Variants in GRAMD2B observed in about 807,000 individuals in gnomAD.
GRAMD2B encodes GRAM domain containing 2B, also known as GRAM domain-containing protein 2B.
In GRAMD2B, 41 loss-of-function variants were observed where a neutral mutation model predicts 59.2. That is an observed-to-expected ratio of 0.69 (90% CI 0.54 to 0.90). The LOEUF (loss-of-function observed/expected upper bound fraction) is 0.90. GRAMD2B is among the 40% of genes least tolerant of loss of function. GRAMD2B has a pLI of 0.00. For missense variants in GRAMD2B, 424 were observed against 500.5 expected, an observed-to-expected ratio of 0.85 and a Z score of 1.46; for synonymous variants, 161 against 182.7, an observed-to-expected ratio of 0.88 and a Z score of 0.96.
At chr5:126,451,974 C>T (rs987193419) in intron 1 of GRAMD2B, among the ~76,000 whole-genome samples, 3 of 152,214 alleles carry the variant, frequency 2.0e-5, no homozygotes, top group South Asian at 2.1e-4. Flanking sequence ...CCTTCCACCA[C>T]GATTGTAAGC....
intron 1 of GRAMD2B, among the ~76,000 whole-genome samples, chr5:126,383,987 G>C (rs1755886638): frequency 6.6e-6 from 1 of 152,084 alleles, no homozygotes; most frequent in Non-Finnish European, 1.5e-5. Flanking sequence ...GACTGTTATA[G>C]GACAACGAGG....
chr5:126,385,567 A>G (rs1756049707), intron 1 of GRAMD2B, among the ~76,000 whole-genome samples: 1 of 152,228 alleles, frequency 6.6e-6, no homozygotes, highest in Admixed American at 6.5e-5. Context: ...ACACTTTCAT[A>G]TCTTCATGCC....
At chr5:126,413,364 A>C (rs1175437268) in intron 1 of GRAMD2B, among the ~76,000 whole-genome samples, 1 of 152,136 alleles carries the variant, frequency 6.6e-6, no homozygotes, top group Non-Finnish European at 1.5e-5. Context: ...TTGTTTATCC[A>C]AAAGTAATTC....
chr5:126,360,283 C>T (rs1385296982), exon 1 of GRAMD2B: 2 of 1,547,650 alleles, frequency 1.3e-6, no homozygotes, highest in Admixed American at 3.9e-5. Flanking sequence ...TACAAAGTTC[C>T]TTCCCGACAT....
chr5:126,420,394 CG>C (rs1053954096), upstream of GRAMD2B, among the ~76,000 whole-genome samples: 1 of 152,108 alleles, frequency 6.6e-6, no homozygotes, highest in Non-Finnish European at 1.5e-5. Flanking sequence ...GCCTTTTAAA[CG>C]TAAGCAAACA....
Position 126,481,203 on chromosome 5 carries a change from A to AAAAGAAAGAAAG in GRAMD2B, c.735+532_735+543dup, listed in dbSNP as rs199869481. ...TCAGAATTAACTGTAAAAAAAAAAAAAAAGAAAGAAAGAAAGAAAGAAAGA... is the reference window on the plus strand; with the variant it reads ...TCAGAATTAACTGTAAAAAAAAAAAAAAAGAAAGAAAGAAAGAAAGAAAGAAAGAAAGAAAGA... On this transcript the variant is annotated intron_variant, in intron 8 of 13. Coordinates refer to ENST00000285689, the MANE Select transcript of GRAMD2B (RefSeq NM_023927.4). 5.3e-3 allele frequency among the ~76,000 whole-genome samples: 424 copies of AAAAGAAAGAAAG among 80,062 alleles called. 6 individuals are homozygous for AAAAGAAAGAAAG. Among genetic ancestry groups the AAAAGAAAGAAAG allele is most frequent in the African/African-American group, 0.024 (393 of 16,300 alleles). 52.5% of individuals were successfully genotyped at this position (80,062 alleles called of 152,430 possible).
chr5:126,408,916 A>G (rs1286451160), intron 1 of GRAMD2B, among the ~76,000 whole-genome samples: 1 of 134,068 alleles, frequency 7.5e-6, no homozygotes, highest in Non-Finnish European at 1.6e-5. Context: ...TTCAATTCCC[A>G]CCTATGAGTG....
intron 1 of GRAMD2B, among the ~76,000 whole-genome samples, chr5:126,447,635 GCCTGGGCGACA>G (rs1764537360): frequency 6.7e-6 from 1 of 148,500 alleles, no homozygotes; most frequent in African/African-American, 2.5e-5. Context: ...CTGCACTCCA[GCCTGGGCGACA>G]GAGCAAGACT....
At chr5:126,448,102 C>T (rs1293548039) in intron 1 of GRAMD2B, among the ~76,000 whole-genome samples, 3 of 151,940 alleles carry the variant, frequency 2.0e-5, no homozygotes, top group Non-Finnish European at 2.9e-5. Context: ...GTAACCCACC[C>T]GCCTCAGCCT....
chr5:126,403,528 A>C lies in GRAMD2B; in HGVS notation c.125+31961A>C, dbSNP rs560962558. Among the ~76,000 whole-genome samples the C allele has an allele frequency of 2.0e-5, 3 of 152,114 alleles. No homozygotes were observed. In the South Asian group the frequency reaches 6.2e-4, roughly 32 times the overall value. ...TTATTGAGCACTCGTAATAGGTACT[A>C]GAAATAAAGGGCTCAGCAGAAAAGA... On this transcript the variant is annotated intron_variant, in intron 1 of 8. Transcript: ENST00000506445.
intron 1 of GRAMD2B, among the ~76,000 whole-genome samples, chr5:126,450,377 A>G (rs1001922181): frequency 2.0e-5 from 3 of 152,144 alleles, no homozygotes; most frequent in African/African-American, 4.8e-5. Context: ...TTTCTAGCAT[A>G]ATATATTCTC....
chr5:126,361,063 C>G (rs1754195830), intron 1 of GRAMD2B, among the ~76,000 whole-genome samples: 1 of 152,130 alleles, frequency 6.6e-6, no homozygotes, highest in South Asian at 2.1e-4. Context: ...TTTTGTACAA[C>G]TGCTAGCAGA....
intron 1 of GRAMD2B, among the ~76,000 whole-genome samples, chr5:126,364,461 G>T (rs1754352597): frequency 6.6e-6 from 1 of 152,214 alleles, no homozygotes; most frequent in East Asian, 1.9e-4. Flanking sequence ...TGAAAGTGTA[G>T]GTTGTAGGAT....
At position 126,486,921 on chromosome 5, in the gene GRAMD2B, T is replaced by G; in HGVS notation, c.1107T>G (p.Asn369Lys). Reference protein sequence around the residue: ...ISTFYMRYRINTLEEQLGLLT... With the variant: ...ISTFYMRYRIKTLEEQLGLLT... ...CCTTCTACATGAGATACAGAATTAA[T>G]ACTCTGGAGGAGCAGCTGGGGTTAC... Residue 369 changes from asparagine to lysine, a missense_variant, in exon 12 of 14, where the codon AAT becomes AAG. Transcript: ENST00000285689. The G allele has an allele frequency of 6.2e-7, 1 of 1,612,674 alleles. No individual in the cohort carries two copies. Among genetic ancestry groups the G allele is most frequent in the Non-Finnish European group, 8.5e-7 (1 of 1,178,964 alleles).
rs918241179 is a variant in GRAMD2B, at chr5:126,404,695, C to A, written c.125+33128C>A. 4.9e-4 allele frequency among the ~76,000 whole-genome samples: 74 copies of A among 151,742 alleles called. 1 individual carries two copies. The highest frequency in any genetic ancestry group is 1.6e-3 in the African/African-American group (65 of 41,342). On this transcript the variant is annotated intron_variant, in intron 1 of 8. Transcript: ENST00000506445. The stretch of plus-strand genomic sequence containing the variant: ...GGGAAAACCAAATTCATCCAATACG[C>A]CTTTGTTCCATGTCTAGAATGATTA...
intron 1 of GRAMD2B, among the ~76,000 whole-genome samples, chr5:126,372,348 A>C (rs1038415326): frequency 1.3e-5 from 2 of 152,128 alleles, no homozygotes; most frequent in Non-Finnish European, 2.9e-5. Flanking sequence ...AATAACCCCC[A>C]CACCCAAACT....
At chr5:126,409,564 G>A (rs552707977) in intron 1 of GRAMD2B, among the ~76,000 whole-genome samples, 31 of 152,104 alleles carry the variant, frequency 2.0e-4, no homozygotes, top group Non-Finnish European at 3.7e-4. Flanking sequence ...ATTTGTTTGA[G>A]TTCATTGTAG....
chr5:126,473,615 T>G (rs1045741193), intron 5 of GRAMD2B, among the ~76,000 whole-genome samples: 1 of 152,182 alleles, frequency 6.6e-6, no homozygotes, highest in African/African-American at 2.4e-5. Flanking sequence ...TATATACACA[T>G]GTACCTCACC....
chr5:126,482,388 A>G (rs989172853), intron 8 of GRAMD2B, among the ~76,000 whole-genome samples: 3 of 152,266 alleles, frequency 2.0e-5, no homozygotes, highest in African/African-American at 7.2e-5. Flanking sequence ...GAAGCAGTAC[A>G]GAATATAATG....
Sources: allele counts gnomAD v4.1 joint callset (sites outside exome capture counted in the v4.1 genomes callset), GRCh38; gene constraint gnomAD v4.1.1; transcripts MANE v1.5; gene names NCBI Gene and HGNC (gene_info 2026-07-23, HGNC 2026-07-21).